CDK14: variants seen among roughly 807,000 people sequenced by gnomAD.
CDK14 encodes the protein cyclin dependent kinase 14.
In CDK14, 34 loss-of-function variants were observed where a neutral mutation model predicts 60.7. That is an observed-to-expected ratio of 0.56 (90% CI 0.43 to 0.75). The LOEUF (loss-of-function observed/expected upper bound fraction) is 0.75, where lower values mean the gene tolerates loss of function less well. Ranked by LOEUF, CDK14 falls within the 30% of genes least tolerant of loss-of-function variation. The pLI, the probability that CDK14 is intolerant of heterozygous loss-of-function variation, is 0.00. For synonymous variants in CDK14, 197 were observed against 203.7 expected, an observed-to-expected ratio of 0.97 and a Z score of 0.28; for missense variants, 482 against 564.1, an observed-to-expected ratio of 0.85 and a Z score of 1.47.
intron 3 of CDK14, among the ~76,000 whole-genome samples, chr7:90,728,790 CTG>C (rs1802736819): frequency 6.6e-6 from 1 of 152,046 alleles, no homozygotes; most frequent in African/African-American, 2.4e-5. Context: ...ATTGGAAGCT[CTG>C]TGCCTGGGTG....
intron 10 of CDK14, among the ~76,000 whole-genome samples, chr7:91,026,180 A>G (rs1297389842): frequency 2.0e-5 from 3 of 152,184 alleles, no homozygotes; most frequent in African/African-American, 7.2e-5. Flanking sequence ...CAATGAGAAG[A>G]GCTGCCTTCT....
chr7:90,974,951 T>G (rs372562207), intron 9 of CDK14, among the ~76,000 whole-genome samples: 2 of 152,202 alleles, frequency 1.3e-5, no homozygotes, highest in East Asian at 1.9e-4. Context: ...CATATCGCCA[T>G]AACCCCTATC....
chr7:90,862,340 G>A (rs1247051782), intron 5 of CDK14, among the ~76,000 whole-genome samples: 1 of 152,136 alleles, frequency 6.6e-6, no homozygotes, highest in Non-Finnish European at 1.5e-5. Context: ...AAAAGGATGG[G>A]TAAATGCTAA....
intron 8 of CDK14, among the ~76,000 whole-genome samples, chr7:90,934,491 T>C (rs372514935): frequency 3.9e-5 from 6 of 152,290 alleles, no homozygotes; most frequent in African/African-American, 1.4e-4. Context: ...TGAGCAGAGA[T>C]GGCAGCAAAA....
At chr7:91,062,625 G>A (rs1469971765) in intron 11 of CDK14, among the ~76,000 whole-genome samples, 1 of 152,152 alleles carries the variant, frequency 6.6e-6, no homozygotes, top group African/African-American at 2.4e-5. Flanking sequence ...ATGCTAGTTT[G>A]CATTGCATAG....
chr7:91,105,096 C>T (rs989940917), intron 12 of CDK14, among the ~76,000 whole-genome samples: 1 of 152,122 alleles, frequency 6.6e-6, no homozygotes, highest in Non-Finnish European at 1.5e-5. Flanking sequence ...ATTTCAGATG[C>T]GCAGCTGAAC....
intron 2 of CDK14, among the ~76,000 whole-genome samples, chr7:90,612,200 C>G (rs1799554106): frequency 6.6e-6 from 1 of 152,172 alleles, no homozygotes. Flanking sequence ...AGTTCAGAAC[C>G]TTTTCACTTT....
chr7:90,791,800 A>T (rs1000195294), intron 5 of CDK14, among the ~76,000 whole-genome samples: 1 of 152,148 alleles, frequency 6.6e-6, no homozygotes, highest in African/African-American at 2.4e-5. Context: ...TGCATGGTTG[A>T]AACGGTCTCT....
Position 91,081,878 on chromosome 7 carries a change from G to A in CDK14, c.1154+2398G>A, listed in dbSNP as rs116588104. ...TAGAAAGAAGAAATCTTAATTATGC[G>A]ATTGAGAATAATAAATATATATTAA... On this transcript the variant is annotated intron_variant, in intron 12 of 14. Transcript: ENST00000380050. 5.0e-3 allele frequency among the ~76,000 whole-genome samples: 756 copies of A among 151,896 alleles called. 8 individuals carry two copies. The highest frequency in any genetic ancestry group is 0.017 in the African/African-American group (684 of 41,446).
intron 4 of CDK14, among the ~76,000 whole-genome samples, chr7:90,781,734 C>G (rs372875871): frequency 9.3e-5 from 14 of 150,852 alleles, no homozygotes; most frequent in South Asian, 6.3e-4. Flanking sequence ...TGTAGATATG[C>G]GGCATTATTT....
At chr7:90,636,961 C>G (rs983760299) in intron 2 of CDK14, among the ~76,000 whole-genome samples, 45 of 151,520 alleles carry the variant, frequency 3.0e-4, no homozygotes, top group African/African-American at 7.3e-4. Context: ...GTTTGTATTT[C>G]TGTGGGATCG....
chr7:91,070,248 T>TTGTTGC (rs1554418672), intron 11 of CDK14, among the ~76,000 whole-genome samples: 1 of 131,164 alleles, frequency 7.6e-6, no homozygotes, highest in Admixed American at 8.4e-5. Context: ...TATTTTGTTG[T>TTGTTGC]TGCTGCTGCT....
At chr7:91,043,235 A>AGGC (rs1797138096) in intron 10 of CDK14, among the ~76,000 whole-genome samples, 1 of 152,250 alleles carries the variant, frequency 6.6e-6, no homozygotes. Context: ...AGCATTGTAG[A>AGGC]AACAGAGGCA....
At chr7:90,720,665 A>G (rs1459755391) in intron 2 of CDK14, among the ~76,000 whole-genome samples, 1 of 152,212 alleles carries the variant, frequency 6.6e-6, no homozygotes. Flanking sequence ...TTAATATATT[A>G]CTATACTTAT....
At chr7:90,722,083 G>GCT (rs1309625218) in intron 2 of CDK14, among the ~76,000 whole-genome samples, 2 of 151,868 alleles carry the variant, frequency 1.3e-5, no homozygotes, top group East Asian at 3.9e-4. Flanking sequence ...TATTCTAAGA[G>GCT]CTCTCCTACC....
intron 4 of CDK14, among the ~76,000 whole-genome samples, chr7:90,762,097 T>C (rs1042623420): frequency 1.3e-5 from 2 of 152,070 alleles, no homozygotes; most frequent in African/African-American, 4.8e-5. Context: ...AAATATACAT[T>C]GGATGGATGG....
intron 4 of CDK14, among the ~76,000 whole-genome samples, chr7:90,777,922 A>G (rs11983021): frequency 0.22 from 33,633 of 152,186 alleles, 4,252 homozygotes; most frequent in Middle Eastern, 0.3. Context: ...TGTGCCCCAC[A>G]CTGTCCCTTT....
intron 14 of CDK14, among the ~76,000 whole-genome samples, chr7:91,158,061 A>G (rs1801037448): frequency 6.9e-6 from 1 of 144,902 alleles, no homozygotes; most frequent in African/African-American, 2.5e-5. Flanking sequence ...TATATAATAT[A>G]TTATATTATA....
At chr7:91,188,908 A>G (rs904294105) in intron 14 of CDK14, among the ~76,000 whole-genome samples, 44 of 152,220 alleles carry the variant, frequency 2.9e-4, no homozygotes, top group African/African-American at 1.0e-3. Flanking sequence ...GTTCCTCTTT[A>G]GTAACAACCA....
Sources: allele counts gnomAD v4.1 joint callset (sites outside exome capture counted in the v4.1 genomes callset), GRCh38; gene constraint gnomAD v4.1.1; transcripts MANE v1.5; gene names NCBI Gene and HGNC (gene_info 2026-07-23, HGNC 2026-07-21).